INSL6: variants seen among roughly 807,000 people sequenced by gnomAD.
INSL6 encodes insulin like 6.
Under a neutral mutation model 9.4 loss-of-function variants are expected in INSL6, and 16 were observed. The observed-to-expected ratio is 1.70, with a 90% CI of 1.15 to 2.59. INSL6 has a LOEUF of 2.59. Ranked by LOEUF, INSL6 falls within the 30% of genes most tolerant of loss-of-function variation. The pLI is 0.00. For missense variants in INSL6, 391 were observed against 257.3 expected (o/e 1.52, Z -3.56); for synonymous variants, 154 against 96.9 (o/e 1.59, Z -3.46).
intron 2 of INSL6, among the ~76,000 whole-genome samples, chr9:5,150,846 GACACACACACACACAC>G (rs59479266): frequency 2.1e-5 from 3 of 146,288 alleles, no homozygotes; most frequent in Admixed American, 6.8e-5. Context: ...GGATAAAGGA[GACACACACACACACAC>G]ACACACACAC....
chr9:5,029,699 T>G, the INSL6 span: 2 of 1,269,108 alleles, frequency 1.6e-6, no homozygotes, highest in South Asian at 3.2e-5. Context: ...AGTTGTTACT[T>G]TAGCTTCATT....
the INSL6 span, chr9:5,081,893 T>A: frequency 6.4e-7 from 1 of 1,559,064 alleles, no homozygotes; most frequent in South Asian, 1.1e-5. Context: ...AAATAGAGTA[T>A]AATCATTTCA....
the INSL6 span, among the ~76,000 whole-genome samples, chr9:5,063,012 G>C: frequency 6.6e-6 from 1 of 151,836 alleles, no homozygotes; most frequent in Non-Finnish European, 1.5e-5. Flanking sequence ...ATTTTGTTTA[G>C]GATACCTTTT....
the INSL6 span, chr9:5,066,682 G>C: frequency 6.3e-6 from 10 of 1,577,336 alleles, no homozygotes; most frequent in East Asian, 2.0e-4. Context: ...CTTTAGGATG[G>C]ATTTTGCCAT....
rs974779312 is a variant in INSL6, at chr9:5,175,097, G to C, written c.289+10217C>G. Among the ~76,000 whole-genome samples the C allele has an allele frequency of 2.2e-4, 34 of 151,898 alleles. 1 individual carries two copies. The highest frequency in any genetic ancestry group is 8.2e-4 in the African/African-American group (34 of 41,344). ...TGGGACTACAGGTGCCCACCACCACGCCCAGCAAATTTTTTGTGTTTTTTA... is the reference window on the plus strand; with the variant it reads ...TGGGACTACAGGTGCCCACCACCACCCCCAGCAAATTTTTTGTGTTTTTTA... On this transcript the variant is annotated intron_variant, in intron 1 of 1. Coordinates refer to ENST00000381641, the MANE Select transcript of INSL6 (RefSeq NM_007179.3).
At chr9:5,002,457 T>C in the INSL6 span, among the ~76,000 whole-genome samples, 1 of 152,154 alleles carries the variant, frequency 6.6e-6, no homozygotes, top group East Asian at 1.9e-4. Context: ...TTTTTTGATA[T>C]TTATTTCTAA....
the INSL6 span, chr9:5,077,614 A>G: frequency 1.5e-6 from 2 of 1,332,828 alleles, no homozygotes; most frequent in Non-Finnish European, 1.0e-6. Flanking sequence ...AAAAGATACT[A>G]TTTTATTTTA....
chr9:5,142,881 C>A (rs1824530789), intron 2 of INSL6, among the ~76,000 whole-genome samples: 1 of 152,034 alleles, frequency 6.6e-6, no homozygotes. Context: ...CCTTTCAATA[C>A]CTAGTTTATT....
chr9:5,007,421 G>C, the INSL6 span, among the ~76,000 whole-genome samples: 6 of 152,010 alleles, frequency 3.9e-5, no homozygotes, highest in African/African-American at 1.4e-4. Flanking sequence ...TTTGTCAGTG[G>C]TTATATTTTC....
At chr9:5,021,366 G>C in the INSL6 span, among the ~76,000 whole-genome samples, 1,375 of 152,232 alleles carry the variant, frequency 9.0e-3, 16 homozygotes, top group African/African-American at 0.03. Flanking sequence ...CTCTTCTTCT[G>C]TTGTCTGTAA....
chr9:5,009,585 C>T, the INSL6 span, among the ~76,000 whole-genome samples: 1 of 152,098 alleles, frequency 6.6e-6, no homozygotes, highest in African/African-American at 2.4e-5. Context: ...TTATCTGTTT[C>T]TTCTGGGGTC....
At chr9:4,993,485 T>C in the INSL6 span, among the ~76,000 whole-genome samples, 1 of 152,248 alleles carries the variant, frequency 6.6e-6, no homozygotes, top group African/African-American at 2.4e-5. Context: ...GCCAAATTGC[T>C]TTAACTTCCT....
At chr9:5,022,212 T>C in the INSL6 span, 3 of 1,609,842 alleles carry the variant, frequency 1.9e-6, no homozygotes, top group East Asian at 6.7e-5. Flanking sequence ...CTAAAGCTTG[T>C]GGTAAGTATT....
At chr9:5,087,666 T>C in the INSL6 span, among the ~76,000 whole-genome samples, 13 of 152,240 alleles carry the variant, frequency 8.5e-5, no homozygotes, top group African/African-American at 2.7e-4. Flanking sequence ...TGATCATTGT[T>C]GGCAGGGATG....
At chr9:5,174,891 C>CTAGGTGTTCCACATACAAG (rs1414868428) in intron 1 of INSL6, among the ~76,000 whole-genome samples, 1 of 152,058 alleles carries the variant, frequency 6.6e-6, no homozygotes, top group African/African-American at 2.4e-5. Flanking sequence ...TCCCATCCTT[C>CTAGGTGTTCCACATACAAG]TAGGTGTTCC....
At chr9:5,089,932 A>G in the INSL6 span, 12 of 1,093,330 alleles carry the variant, frequency 1.1e-5, no homozygotes, top group South Asian at 2.9e-5. Context: ...ATATAAATGT[A>G]CAATGTCTTA....
intron 3 of INSL6, chr9:5,132,704 A>G (rs897755358): frequency 5.3e-5 from 8 of 152,186 alleles, no homozygotes; most frequent in African/African-American, 1.9e-4. Context: ...CTGATCTCCT[A>G]AGTATGTTGA....
At chr9:5,126,265 A>C (rs1321193537) in intron 3 of INSL6, 1 of 1,118,276 alleles carries the variant, frequency 8.9e-7, no homozygotes, top group Non-Finnish European at 1.3e-6. Flanking sequence ...CATTGACTGG[A>C]GGAAATTGAG....
chr9:5,048,396 C>T, the INSL6 span, among the ~76,000 whole-genome samples: 1 of 152,116 alleles, frequency 6.6e-6, no homozygotes, highest in Non-Finnish European at 1.5e-5. Context: ...CTGCCTTGGC[C>T]TTCTAAAGTG....
Sources: gnomAD v4.1 joint callset for allele counts (sites outside exome capture counted in the v4.1 genomes callset) on GRCh38, gnomAD v4.1.1 for gene constraint, MANE v1.5 for transcripts, NCBI Gene and HGNC (gene_info 2026-07-23, HGNC 2026-07-21) for gene names.